The following LGALS8 variants were observed in gnomAD, a reference collection of about 807,000 sequenced individuals.
LGALS8 encodes the protein galectin-8.
A neutral mutation model predicts 35.9 loss-of-function variants in LGALS8; 30 were observed. The ratio of observed to expected loss-of-function variants is 0.83; its 90% confidence interval spans 0.62 to 1.13. LGALS8 has a LOEUF of 1.13. Among genes scored for constraint, LGALS8 ranks in the 50% most tolerant of loss-of-function variants. LGALS8 has a pLI of 0.00. For missense variants in LGALS8, 366 were observed against 388.7 expected (o/e 0.94, Z 0.49); for synonymous variants, 138 against 136.1 (o/e 1.01, Z -0.10).
chr1:236,535,812 T>C (rs891641538), intron 2 of LGALS8, among the ~76,000 whole-genome samples: 1 of 152,254 alleles, frequency 6.6e-6, no homozygotes, highest in African/African-American at 2.4e-5. Flanking sequence ...TCTTATTGCC[T>C]AAGGCAACAG....
chr1:236,543,797 T>C (rs953400786), intron 8 of LGALS8, 149 bp downstream of exon 8: 22 of 675,352 alleles, frequency 3.3e-5, no homozygotes, highest in African/African-American at 1.6e-4. Context: ...GGTGGTTAGA[T>C]TGTGAACAGC....
intron 9 of LGALS8, among the ~76,000 whole-genome samples, chr1:236,546,032 C>T (rs1662341881): frequency 6.6e-6 from 1 of 152,060 alleles, no homozygotes; most frequent in South Asian, 2.1e-4. Context: ...TTGTTTTTGA[C>T]CTATCTGGGC....
chr1:236,548,048 G>T lies in LGALS8; in HGVS notation c.841G>T (p.Ala281Ser), dbSNP rs745644895. The T allele has an allele frequency of 6.2e-7, 1 of 1,612,064 alleles. No individual in the cohort carries two copies. The highest frequency in any genetic ancestry group is 1.1e-5 in the South Asian group (1 of 91,038). Residue 281 changes from alanine to serine, a missense_variant, in exon 10 of 10, where the codon GCA (alanine) becomes TCA (serine). Ala to Ser is a moderately conservative substitution (Grantham distance 99). Coordinates refer to ENST00000366584, the MANE Select transcript of LGALS8 (RefSeq NM_201544.4). ...TTGTGATGTTAGAGAATTCAAGGTT[G>T]CAGTAAATGGCGTACACAGCCTGGA... ...IYCDVREFKV[A>S]VNGVHSLEYK... is the part of the protein sequence containing the mutation.
chr1:236,538,808 GCCTGCT>G, intron 3 of LGALS8, 65 bp from the exon 4 acceptor site: 1 of 1,044,198 alleles, frequency 9.6e-7, no homozygotes, highest in Non-Finnish European at 1.5e-6. Flanking sequence ...GGAGTGTAGT[GCCTGCT>G]GGTCCTTTAC....
At chr1:236,535,337 G>T (rs567931456) in intron 2 of LGALS8, among the ~76,000 whole-genome samples, 52 of 151,682 alleles carry the variant, frequency 3.4e-4, no homozygotes, top group Admixed American at 1.6e-3. Context: ...TATGTAGTAG[G>T]TATATCTATT....
chr1:236,529,260 G>C (rs545826523), intron 2 of LGALS8, among the ~76,000 whole-genome samples: 4 of 152,066 alleles, frequency 2.6e-5, no homozygotes, highest in African/African-American at 9.6e-5. Context: ...CTGGGTGACA[G>C]AGCAAGAACC....
chr1:236,522,570 G>A (rs1484534226), upstream of LGALS8, among the ~76,000 whole-genome samples: 3 of 152,168 alleles, frequency 2.0e-5, no homozygotes, highest in South Asian at 2.1e-4. Flanking sequence ...GGAGACTCAG[G>A]CAGAATTGTG....
chr1:236,522,170 T>C (rs904381590), upstream of LGALS8, among the ~76,000 whole-genome samples: 1 of 152,364 alleles, frequency 6.6e-6, no homozygotes, highest in East Asian at 1.9e-4. Context: ...TTTATGAACA[T>C]TTTAATCCAG....
At chr1:236,523,058 G>A (rs1447242772), upstream of LGALS8, 2 of 152,164 alleles carry the variant, frequency 1.3e-5, no homozygotes, top group Non-Finnish European at 2.9e-5. Flanking sequence ...TAAACAGTAA[G>A]CAGCCAGCCA....
chr1:236,538,693 A>C (rs541593760), intron 3 of LGALS8, among the ~76,000 whole-genome samples, 186 bp from the exon 4 acceptor site: 2 of 152,356 alleles, frequency 1.3e-5, no homozygotes, highest in African/African-American at 4.8e-5. Context: ...GTTCAAACTC[A>C]GGGGCTATTT....
intron 2 of LGALS8, among the ~76,000 whole-genome samples, chr1:236,529,473 A>G (rs918046849): frequency 4.6e-5 from 7 of 151,168 alleles, no homozygotes; most frequent in African/African-American, 1.5e-4. Flanking sequence ...TCCCAGCTAC[A>G]TGGGAGGTTG....
chr1:236,522,686 A>G (rs751976854), upstream of LGALS8, among the ~76,000 whole-genome samples: 3 of 152,254 alleles, frequency 2.0e-5, no homozygotes, highest in Admixed American at 6.5e-5. Context: ...ACTGTATAAG[A>G]CAAGTTCCTT....
chr1:236,532,143 CAT>C (rs1341622734), intron 2 of LGALS8, among the ~76,000 whole-genome samples: 1 of 152,132 alleles, frequency 6.6e-6, no homozygotes, highest in Non-Finnish European at 1.5e-5. Context: ...TTAGCATAAC[CAT>C]ATTATTTGCA....
chr1:236,542,837 C>A (rs976375455), intron 7 of LGALS8, 50 bp downstream of exon 7: 4 of 1,613,904 alleles, frequency 2.5e-6, no homozygotes, highest in Non-Finnish European at 3.4e-6. Context: ...TATAAAGTTG[C>A]ATAGAAAATG....
intron 2 of LGALS8, among the ~76,000 whole-genome samples, chr1:236,534,519 G>A (rs1321494592): frequency 6.6e-6 from 1 of 151,476 alleles, no homozygotes; most frequent in Non-Finnish European, 1.5e-5. Context: ...GAGTAGCCTA[G>A]AAAACAATGT....
intron 8 of LGALS8, 39 bp from the exon 9 acceptor site, chr1:236,544,711 G>T: frequency 6.7e-7 from 1 of 1,489,988 alleles, no homozygotes; most frequent in Non-Finnish European, 9.0e-7. Context: ...TGTCCTACTT[G>T]GTTAATTAAG....
upstream of LGALS8, among the ~76,000 whole-genome samples, chr1:236,520,862 T>G (rs1660530287): frequency 6.6e-6 from 1 of 152,204 alleles, no homozygotes; most frequent in Admixed American, 6.5e-5. Context: ...ATTTAATGCA[T>G]TCTCAAGACC....
chr1:236,534,393 A>G (rs1041899007), intron 2 of LGALS8, among the ~76,000 whole-genome samples: 1 of 152,204 alleles, frequency 6.6e-6, no homozygotes, highest in African/African-American at 2.4e-5. Context: ...TTTGGGAAAT[A>G]ACAGCAAACC....
At chr1:236,528,347 AC>A (rs1203438985) in intron 2 of LGALS8, among the ~76,000 whole-genome samples, 5 of 147,030 alleles carry the variant, frequency 3.4e-5, no homozygotes, top group African/African-American at 1.3e-4. Context: ...GTGCCACTGC[AC>A]TCCAGCCTGG....
Sources: gnomAD v4.1 joint callset for allele counts (sites outside exome capture counted in the v4.1 genomes callset) on GRCh38, gnomAD v4.1.1 for gene constraint, MANE v1.5 for transcripts, NCBI Gene and HGNC (gene_info 2026-07-23, HGNC 2026-07-21) for gene names.